The following DCC variants were observed in gnomAD, a reference collection of about 807,000 sequenced individuals.
DCC encodes the protein netrin receptor DCC.
Under a neutral mutation model 172.5 loss-of-function variants are expected in DCC, and 58 were observed. That is an observed-to-expected ratio of 0.34 (90% confidence interval 0.27 to 0.42). DCC has a LOEUF of 0.42. Ranked by LOEUF, DCC falls within the 10% of genes least tolerant of loss-of-function variation. The probability of loss-of-function intolerance (pLI) is 1.00; values close to 1 mark genes in which losing one functional copy is unlikely to be tolerated. For missense variants in DCC, 1,740 were observed against 1,791.0 expected (o/e 0.97, Z 0.51); for synonymous variants, 709 against 644.5 (o/e 1.10, Z -1.52).
chr18:52,782,145 C>T lies in DCC; in HGVS notation c.412+29771C>T, dbSNP rs373255017. The stretch of plus-strand genomic sequence containing the variant: ...TCAGAGCTAAGCACAAAGGTGCTTC[C>T]TAAACAAAAGGATCTTTACAAATGA... On this transcript the variant is annotated intron_variant, in intron 2 of 28. Transcript: ENST00000442544. 3.2e-4 allele frequency among the ~76,000 whole-genome samples: 48 copies of T among 152,198 alleles called. 1 individual carries two copies. Among genetic ancestry groups the T allele is most frequent in the Admixed American group, 9.2e-4 (14 of 15,278 alleles).
intron 1 of DCC, among the ~76,000 whole-genome samples, chr18:52,472,256 G>A (rs1988968083): frequency 6.6e-6 from 1 of 151,978 alleles, no homozygotes; most frequent in Non-Finnish European, 1.5e-5. Context: ...TTCCCCTTAC[G>A]GTTCCTAGTC....
At chr18:52,807,430 T>C (rs1355148875) in intron 2 of DCC, among the ~76,000 whole-genome samples, 1 of 152,198 alleles carries the variant, frequency 6.6e-6, no homozygotes. Context: ...ATACACTCAC[T>C]CATATTTCAC....
At chr18:52,803,990 G>C (rs2038040881) in intron 2 of DCC, among the ~76,000 whole-genome samples, 1 of 152,152 alleles carries the variant, frequency 6.6e-6, no homozygotes, top group East Asian at 1.9e-4. Flanking sequence ...TGGTGGTGGT[G>C]GTGCGAAGGC....
intron 9 of DCC, among the ~76,000 whole-genome samples, chr18:53,183,262 C>G (rs1322773699): frequency 6.6e-6 from 1 of 152,038 alleles, no homozygotes; most frequent in African/African-American, 2.4e-5. Flanking sequence ...ATCGACAGCC[C>G]AAGATCCAGT....
rs561260738 is a variant in DCC, at chr18:53,210,315, C to G, written c.1861+2498C>G. ...CTTCCCAGTCTTCAGTCATGGAGCA[C>G]TCTTCTTCGTTAACTTTATGTATGT... On this transcript the variant is annotated intron_variant, in intron 11 of 28. Coordinates refer to ENST00000442544, the MANE Select transcript of DCC (RefSeq NM_005215.4). Among the ~76,000 whole-genome samples the G allele has an allele frequency of 2.0e-5, 3 of 152,296 alleles. No individual in the cohort carries two copies. In the East Asian group the frequency reaches 5.8e-4, roughly 29 times the overall value.
chr18:52,679,327 C>A (rs926996684), intron 1 of DCC, among the ~76,000 whole-genome samples: 17 of 152,100 alleles, frequency 1.1e-4, no homozygotes, highest in African/African-American at 4.1e-4. Flanking sequence ...CCATTGAAAT[C>A]ACATACAGAT....
Position 53,534,187 on chromosome 18 carries a change from A to G in DCC, c.*3534A>G, listed in dbSNP as rs1485433392. On this transcript the variant is annotated 3_prime_UTR_variant, in exon 29 of 29. Transcript: ENST00000442544. ...CAACAAAAGGTTACCTCTAAAGATA[A>G]CATCTTACCATTTTAGATAAAATTG... is the stretch of plus-strand genomic sequence containing the variant. 1 of 152,192 alleles carries G rather than the reference A, an allele frequency of 6.6e-6. No homozygotes were observed. The highest frequency in any genetic ancestry group is 2.4e-5 in the African/African-American group (1 of 41,444). The allele number at this position is 152,192 out of a possible 1,614,324, so 9.4% of individuals were successfully genotyped here.
intron 16 of DCC, among the ~76,000 whole-genome samples, chr18:53,390,399 A>G (rs139345830): frequency 6.5e-4 from 99 of 152,270 alleles, no homozygotes; most frequent in African/African-American, 2.3e-3. Context: ...GACAAAGTGA[A>G]GTAATCATCA....
At chr18:52,819,956 G>A (rs377131418) in intron 2 of DCC, among the ~76,000 whole-genome samples, 2 of 151,958 alleles carry the variant, frequency 1.3e-5, no homozygotes, top group African/African-American at 2.4e-5. Flanking sequence ...TCCTGACCTC[G>A]TGATCCACCT....
At chr18:52,574,440 A>G (rs865841937) in intron 1 of DCC, among the ~76,000 whole-genome samples, 6 of 152,162 alleles carry the variant, frequency 3.9e-5, no homozygotes, top group Non-Finnish European at 2.9e-5. Flanking sequence ...AGCAACACCC[A>G]TTTTCCTTAA....
chr18:53,370,969 G>C (rs2058055624), intron 15 of DCC, among the ~76,000 whole-genome samples: 1 of 151,810 alleles, frequency 6.6e-6, no homozygotes, highest in Non-Finnish European at 1.5e-5. Flanking sequence ...TATTTTCTTA[G>C]AATACTAAAC....
chr18:53,450,724 T>G lies in DCC; in HGVS notation c.3392+62T>G, dbSNP rs1402939927. On this transcript the variant is annotated intron_variant, in intron 23 of 28. Coordinates refer to ENST00000442544, the MANE Select transcript of DCC (RefSeq NM_005215.4). ...TTGTCTTTTGGGGTTATATTTTTGA[T>G]GGTCCTCTTTCTGCGTTCTTTCATA... 14 of 1,333,844 alleles carry G rather than the reference T, an allele frequency of 1.0e-5. No homozygotes were observed. In the East Asian group the frequency reaches 3.0e-4, roughly 28 times the overall value. The allele number at this position is 1,333,844 out of a possible 1,614,324, so 82.6% of individuals were successfully genotyped here. A position where few individuals can be genotyped will look rare whatever the true frequency, so the allele number is the denominator to read the frequency against.
intron 8 of DCC, among the ~76,000 whole-genome samples, chr18:53,163,426 T>C (rs1297693956): frequency 1.3e-5 from 2 of 152,246 alleles, no homozygotes; most frequent in Non-Finnish European, 2.9e-5. Flanking sequence ...CCATAAAATA[T>C]GCCACTGTCT....
chr18:52,769,859 ACTGT>A (rs1240805109), intron 2 of DCC, among the ~76,000 whole-genome samples: 1 of 152,176 alleles, frequency 6.6e-6, no homozygotes, highest in East Asian at 1.9e-4. Flanking sequence ...TCACCATAAT[ACTGT>A]CTTTGTTCCT....
intron 12 of DCC, among the ~76,000 whole-genome samples, chr18:53,289,655 C>T (rs1450530509): frequency 6.6e-6 from 1 of 151,696 alleles, no homozygotes; most frequent in Non-Finnish European, 1.5e-5. Context: ...TTTCTGCAGA[C>T]ATTAATAAAA....
chr18:53,300,567 T>A (rs1358981481), intron 12 of DCC, among the ~76,000 whole-genome samples: 1 of 152,180 alleles, frequency 6.6e-6, no homozygotes, highest in Admixed American at 6.5e-5. Flanking sequence ...ACTGTCATAT[T>A]AAATAAGGTA....
chr18:52,342,568 C>T (rs1254930173), intron 1 of DCC, among the ~76,000 whole-genome samples: 2 of 152,160 alleles, frequency 1.3e-5, no homozygotes, highest in Admixed American at 1.3e-4. Context: ...CCTCCTTCTG[C>T]CCAGAAGATT....
chr18:53,108,047 C>T (rs944277049), intron 7 of DCC, among the ~76,000 whole-genome samples: 6 of 151,578 alleles, frequency 4.0e-5, no homozygotes, highest in Non-Finnish European at 8.8e-5. Context: ...GAGTAAAACT[C>T]AACGTATTTT....
intron 2 of DCC, among the ~76,000 whole-genome samples, chr18:52,762,769 T>G (rs2037184879): frequency 6.6e-6 from 1 of 151,988 alleles, no homozygotes; most frequent in Admixed American, 6.6e-5. Context: ...GCTGCAATGA[T>G]CTATGATTGC....
Sources: gnomAD v4.1 joint callset for allele counts (sites outside exome capture counted in the v4.1 genomes callset) on GRCh38, gnomAD v4.1.1 for gene constraint, MANE v1.5 for transcripts, NCBI Gene and HGNC (gene_info 2026-07-23, HGNC 2026-07-21) for gene names.